C11orf58: variants seen among roughly 807,000 people sequenced by gnomAD.
The protein encoded by C11orf58 is chromosome 11 open reading frame 58.
Under a neutral mutation model 22.7 loss-of-function variants are expected in C11orf58, and 5 were observed. That is an observed-to-expected ratio of 0.22 (90% confidence interval 0.12 to 0.46). The LOEUF (loss-of-function observed/expected upper bound fraction) is 0.46. C11orf58 is among the 20% of genes least tolerant of loss of function. The pLI is 0.99. For missense variants in C11orf58, 151 were observed against 223.3 expected (o/e 0.68, Z 2.06); for synonymous variants, 71 against 70.7 (o/e 1.00, Z -0.02).
At chr11:16,748,763 A>G (rs1266197486) in intron 3 of C11orf58, among the ~76,000 whole-genome samples, 1 of 151,964 alleles carries the variant, frequency 6.6e-6, no homozygotes, top group Non-Finnish European at 1.5e-5. Context: ...AAAATTAGAA[A>G]TGTATAATAG....
chr11:16,752,961 A>G, intron 4 of C11orf58, 67 bp downstream of exon 4: 1 of 1,211,152 alleles, frequency 8.3e-7, no homozygotes, highest in Non-Finnish European at 1.2e-6. Flanking sequence ...TATTGCTGTT[A>G]GATTACCCTA....
chr11:16,739,229 A>G (rs1427702036), intron 1 of C11orf58, among the ~76,000 whole-genome samples: 1 of 152,098 alleles, frequency 6.6e-6, no homozygotes, highest in Non-Finnish European at 1.5e-5. Context: ...TCCCGTGACA[A>G]TGTCGAAATG....
At position 16,755,322 on chromosome 11, in the gene C11orf58, TAA is replaced by T; in HGVS notation, c.*220_*221del. ...AGTAAGAGTTGTATAAAATAAGAAA[TAA>T]ATACAGTACTCAACTTCCTTTCATA... On this transcript the variant is annotated 3_prime_UTR_variant, in exon 5 of 5. Coordinates refer to ENST00000228136, the MANE Select transcript of C11orf58 (RefSeq NM_014267.6). 2.4e-6 allele frequency: 1 copy of T among 424,030 alleles called. No homozygotes were observed. Among genetic ancestry groups the T allele is most frequent in the East Asian group, 4.0e-5 (1 of 24,702 alleles). The allele number at this position is 424,030 out of a possible 1,614,324, so 26.3% of individuals were successfully genotyped here. A position where few individuals can be genotyped will look rare whatever the true frequency, so the allele number is the denominator to read the frequency against.
intron 3 of C11orf58, chr11:16,749,935 T>TAA (rs1382575730): frequency 3.9e-5 from 6 of 152,214 alleles, no homozygotes; most frequent in African/African-American, 1.4e-4. Flanking sequence ...GCCCATTACT[T>TAA]ATTTACCACT....
chr11:16,754,715 C>G (rs1848561508), intron 4 of C11orf58, among the ~76,000 whole-genome samples, 156 bp from the exon 5 acceptor site: 1 of 151,552 alleles, frequency 6.6e-6, no homozygotes, highest in Non-Finnish European at 1.5e-5. Context: ...CCCAGCCAGA[C>G]AGAGCTCTTT....
chr11:16,747,016 A>C (rs1848492549), intron 2 of C11orf58: 1 of 152,228 alleles, frequency 6.6e-6, no homozygotes, highest in Non-Finnish European at 1.5e-5. Flanking sequence ...TTTTGTGGCC[A>C]CAAAGTATAT....
At chr11:16,754,445 C>T (rs544174562) in intron 4 of C11orf58, among the ~76,000 whole-genome samples, 18 of 150,902 alleles carry the variant, frequency 1.2e-4, no homozygotes, top group African/African-American at 3.9e-4. Flanking sequence ...ATCCTCCCAC[C>T]TCAGCCTCCC....
Position 16,738,680 on chromosome 11 carries a change from T to G in C11orf58, c.-99T>G. On this transcript the variant is annotated 5_prime_UTR_variant, in exon 1 of 5. Coordinates refer to ENST00000228136, the MANE Select transcript of C11orf58 (RefSeq NM_014267.6). ...CCCGGAGGGGCTCTGCGTTCTGTAG[T>G]GGCGCTGCTTGGGCCCTTGGCGGAT... 1 of 1,345,180 alleles carries G rather than the reference T, an allele frequency of 7.4e-7. No individual in the cohort carries two copies. The allele number at this position is 1,345,180 out of a possible 1,614,324, so 83.3% of individuals were successfully genotyped here.
At chr11:16,754,512 C>CT (rs111667450) in intron 4 of C11orf58, among the ~76,000 whole-genome samples, 8,155 of 58,472 alleles carry the variant, frequency 0.14, 601 homozygotes, top group Non-Finnish European at 0.2. Flanking sequence ...TTTCTTTTTT[C>CT]TTTTTTTTTT....
rs1404126520 is a variant in C11orf58 at position 16,756,232 on chromosome 11, A to G, written c.*1128A>G. Reference sequence around the variant, plus strand: ...TTGTGAGCTGAGCTATTATACATCTACATACTTAAAGGATGTATTTGGAGT... The same window carrying G: ...TTGTGAGCTGAGCTATTATACATCTGCATACTTAAAGGATGTATTTGGAGT... On this transcript the variant is annotated 3_prime_UTR_variant, in exon 5 of 5. Transcript: ENST00000228136. 2.0e-5 allele frequency: 3 copies of G among 148,742 alleles called. No homozygotes were observed. Among genetic ancestry groups the G allele is most frequent in the African/African-American group, 7.4e-5 (3 of 40,328 alleles). The allele number at this position is 148,742 out of a possible 1,614,324, so 9.2% of individuals were successfully genotyped here.
Position 16,754,889 on chromosome 11 carries a change from G to A in C11orf58, c.337G>A (p.Glu113Lys). The A allele has an allele frequency of 1.9e-6, 3 of 1,614,016 alleles. No homozygotes were observed. The highest frequency in any genetic ancestry group is 2.5e-6 in the Non-Finnish European group (3 of 1,179,978). The change falls in exon 5 of 5, where the codon GAA (glutamate) becomes AAA (lysine). Residue 113 changes from glutamate (E) to lysine (K), a missense_variant. Coordinates refer to ENST00000228136, the MANE Select transcript of C11orf58 (RefSeq NM_014267.6). ...GFSEVEDHDG[E>K]GDVAGDDDDD... The stretch of plus-strand genomic sequence containing the variant: ...GTTTTAGGTAGAAGACCATGATGGA[G>A]AAGGTGATGTGGCTGGAGATGATGA...
rs894607715 is a variant in C11orf58, at chr11:16,755,872, A to C, written c.*768A>C. 6 of 152,590 alleles carry C rather than the reference A, an allele frequency of 3.9e-5. No homozygotes were observed. Among genetic ancestry groups the C allele is most frequent in the African/African-American group, 1.4e-4 (6 of 41,422 alleles). The allele number at this position is 152,590 out of a possible 1,614,324, so 9.5% of individuals were successfully genotyped here. ...AAGTTAATTTTGTCCCAAAGGTCTA[A>C]ATAAAGAGCAGTTTCCCATATTTGG... On this transcript the variant is annotated 3_prime_UTR_variant, in exon 5 of 5. Transcript: ENST00000228136.
chr11:16,744,578 TAATC>T lies in C11orf58; in HGVS notation c.64-20_64-17del, dbSNP rs777951428. Reference sequence around the variant, plus strand: ...TACTTATTTTTATGCAAAAAAAATTTAATCAACCAATTTTTTTTCTAGCTGGGAT... The same window carrying T: ...TACTTATTTTTATGCAAAAAAAATTTAACCAATTTTTTTTCTAGCTGGGAT... On this transcript the variant is annotated intron_variant, in intron 1 of 4. Transcript: ENST00000228136. 158 of 1,606,224 alleles carry T rather than the reference TAATC, an allele frequency of 9.8e-5. No individual in the cohort carries two copies. The highest frequency in any genetic ancestry group is 9.0e-5 in the Non-Finnish European group (106 of 1,174,630).
At position 16,756,560 on chromosome 11, in the gene C11orf58, C is replaced by T. The variant is rs916152635; in HGVS notation, c.*1456C>T. On this transcript the variant is annotated 3_prime_UTR_variant, in exon 5 of 5. Coordinates refer to ENST00000228136, the MANE Select transcript of C11orf58 (RefSeq NM_014267.6). ...CTGGGATTACAGGCGTGAGCCACCA[C>T]GCCCAGCCTTGGAGTGTTGGAATTT... 1.3e-5 allele frequency among the ~76,000 whole-genome samples: 2 copies of T among 151,488 alleles called. No individual in the cohort carries two copies. The highest frequency in any genetic ancestry group is 4.8e-5 in the African/African-American group (2 of 41,280).
chr11:16,750,004 C>T (rs1848519592), intron 3 of C11orf58: 3 of 152,174 alleles, frequency 2.0e-5, no homozygotes, highest in African/African-American at 7.2e-5. Context: ...TTGGTAAGCC[C>T]ACAAGCTAAC....
intron 2 of C11orf58, among the ~76,000 whole-genome samples, chr11:16,745,465 A>G (rs890260011): frequency 6.6e-6 from 1 of 152,222 alleles, no homozygotes; most frequent in Non-Finnish European, 1.5e-5. Flanking sequence ...TATATCCTGT[A>G]TTCTTACAAT....
intron 3 of C11orf58, chr11:16,750,955 A>C (rs764583822): frequency 6.6e-6 from 1 of 152,218 alleles, no homozygotes; most frequent in Non-Finnish European, 1.5e-5. Context: ...ACCTGAACTT[A>C]CCATTTTGTA....
chr11:16,753,276 C>T (rs1848548065), intron 4 of C11orf58, among the ~76,000 whole-genome samples: 1 of 152,110 alleles, frequency 6.6e-6, no homozygotes, highest in Non-Finnish European at 1.5e-5. Context: ...ACCATGTAAC[C>T]AGGCTGGCCT....
At chr11:16,752,120 G>C (rs1393691604) in intron 3 of C11orf58, 1 of 174,208 alleles carries the variant, frequency 5.7e-6, no homozygotes, top group Non-Finnish European at 1.2e-5. Context: ...CCCTAGATGG[G>C]ACCGTCTAGT....
Sources: allele counts gnomAD v4.1 joint callset (sites outside exome capture counted in the v4.1 genomes callset), GRCh38; gene constraint gnomAD v4.1.1; transcripts MANE v1.5; gene names NCBI Gene and HGNC (gene_info 2026-07-23, HGNC 2026-07-21).